Variants in SORCS2 observed in about 807,000 individuals in gnomAD.
SORCS2 encodes the protein sortilin related VPS10 domain containing receptor 2.
SORCS2 carries 100 observed loss-of-function variants against 141.6 expected under a neutral mutation model. The ratio of observed to expected loss-of-function variants is 0.71; its 90% CI spans 0.60 to 0.83. The LOEUF is 0.83. Among genes scored for constraint, SORCS2 ranks in the 40% least tolerant of loss-of-function variants. SORCS2 has a pLI of 0.00. For synonymous variants in SORCS2, 789 were observed against 676.9 expected, an observed-to-expected ratio of 1.17 and a Z score of -2.57; for missense variants, 1,646 against 1,560.2, an observed-to-expected ratio of 1.05 and a Z score of -0.93.
At position 7,329,532 on chromosome 4, in the gene SORCS2, T is replaced by G. The variant is rs1366624779; in HGVS notation, c.481-66756T>G. Among the ~76,000 whole-genome samples the G allele has an allele frequency of 2.6e-5, 4 of 152,190 alleles. No individual in the cohort carries two copies. The East Asian group carries it at 5.8e-4, about 22-fold the overall frequency. Reference sequence around the variant, plus strand: ...CACAGCAGCTGCAGGTAGCTCAGTCTGGGGGAGAGGCCTCTTCATGGCAGG... The same window carrying G: ...CACAGCAGCTGCAGGTAGCTCAGTCGGGGGGAGAGGCCTCTTCATGGCAGG... On this transcript the variant is annotated intron_variant, in intron 1 of 26. Transcript: ENST00000507866.
intron 3 of SORCS2, among the ~76,000 whole-genome samples, chr4:7,549,539 C>G: frequency 6.6e-6 from 1 of 152,160 alleles, no homozygotes; most frequent in East Asian, 1.9e-4. Context: ...GCCTCCTTCC[C>G]CTTAACCTGC....
rs768503846 is a variant in SORCS2, at chr4:7,733,313, T to G, written c.3109-9T>G. Reference sequence around the variant, plus strand: ...GAGGCCTCACTCACTGTCCCCTCTGTGCTTGCAGAGGCTCGCCGCCATCCA... The same window carrying G: ...GAGGCCTCACTCACTGTCCCCTCTGGGCTTGCAGAGGCTCGCCGCCATCCA... On this transcript the variant is annotated splice_polypyrimidine_tract_variant and intron_variant, in intron 23 of 26. Coordinates refer to ENST00000507866, the MANE Select transcript of SORCS2 (RefSeq NM_020777.3). 1 of 1,550,620 alleles carries G rather than the reference T, an allele frequency of 6.4e-7. No homozygotes were observed.
Position 7,741,452 on chromosome 4 carries a change from G to C in SORCS2, c.*1188G>C. ...TAAGTCTATAGGAATATAGGGGGGT[G>C]GGGGGGTCACCTTTTGCCTTGAAAT... On this transcript the variant is annotated 3_prime_UTR_variant, in exon 27 of 27. Transcript: ENST00000507866. 2 of 114,412 alleles carry C rather than the reference G, an allele frequency of 1.7e-5. 1 individual carries two copies. The highest frequency in any genetic ancestry group is 3.1e-4 in the East Asian group (2 of 6,374). The allele number at this position is 114,412 out of a possible 1,614,324, so 7.1% of individuals were successfully genotyped here. A position where few individuals can be genotyped will look rare whatever the true frequency, so the allele number is the denominator to read the frequency against.
intron 3 of SORCS2, 48 bp from the exon 4 acceptor site, chr4:7,638,280 G>C: frequency 6.7e-7 from 1 of 1,489,110 alleles, no homozygotes; most frequent in Non-Finnish European, 8.9e-7. Flanking sequence ...CTGGTGTCGG[G>C]GGAGAGGGGC....
intron 2 of SORCS2, among the ~76,000 whole-genome samples, chr4:7,483,908 G>C (rs1430982145): frequency 6.6e-6 from 1 of 152,080 alleles, no homozygotes. Flanking sequence ...AGAACTTAAA[G>C]TGAAAAAACA....
At chr4:7,394,410 G>C (rs1001656269) in intron 1 of SORCS2, among the ~76,000 whole-genome samples, 3 of 150,840 alleles carry the variant, frequency 2.0e-5, no homozygotes, top group Non-Finnish European at 4.4e-5. Flanking sequence ...GGGTTGGAGG[G>C]GGGGTGTATG....
At chr4:7,477,933 T>G (rs578212894) in intron 2 of SORCS2, among the ~76,000 whole-genome samples, 2 of 152,292 alleles carry the variant, frequency 1.3e-5, no homozygotes, top group African/African-American at 4.8e-5. Context: ...AAAGTCATCG[T>G]GTTGGCTATC....
rs145124828 is a variant in SORCS2, at chr4:7,404,575, A to C, written c.548+8220A>C. On this transcript the variant is annotated intron_variant, in intron 2 of 26. Coordinates refer to ENST00000507866, the MANE Select transcript of SORCS2 (RefSeq NM_020777.3). ...GGTGTAAGATGATATCTTATTGTGG[A>C]TCTAATTTGCATTTCTCTGATGATT... 4.4e-3 allele frequency among the ~76,000 whole-genome samples: 668 copies of C among 151,970 alleles called. 3 individuals are homozygous for C. The highest frequency in any genetic ancestry group is 6.1e-3 in the Non-Finnish European group (414 of 67,916).
chr4:7,582,575 A>T (rs2108760981), intron 3 of SORCS2, among the ~76,000 whole-genome samples: 1 of 152,308 alleles, frequency 6.6e-6, no homozygotes, highest in Non-Finnish European at 1.5e-5. Context: ...GGGGTTTCAT[A>T]TGTAGCAGAG....
chr4:7,314,934 C>T (rs915902548), intron 1 of SORCS2, among the ~76,000 whole-genome samples: 5 of 151,400 alleles, frequency 3.3e-5, no homozygotes, highest in African/African-American at 9.7e-5. Context: ...AGGGTTCAAG[C>T]GATTCTCCTG....
intron 3 of SORCS2, among the ~76,000 whole-genome samples, chr4:7,576,352 T>C (rs1028942006): frequency 2.0e-5 from 3 of 152,226 alleles, no homozygotes; most frequent in African/African-American, 7.2e-5. Flanking sequence ...CAATCACTTT[T>C]AGAAGACCAT....
chr4:7,720,643 C>T (rs1726524068), intron 18 of SORCS2, among the ~76,000 whole-genome samples: 1 of 152,136 alleles, frequency 6.6e-6, no homozygotes, highest in African/African-American at 2.4e-5. Context: ...AGGAAGAACA[C>T]TCAACAGCAA....
At chr4:7,424,022 C>T (rs943529689) in intron 2 of SORCS2, among the ~76,000 whole-genome samples, 6 of 152,138 alleles carry the variant, frequency 3.9e-5, no homozygotes, top group Non-Finnish European at 7.4e-5. Flanking sequence ...TCCTGGCATC[C>T]GTGGGTCTGT....
chr4:7,680,647 C>T (rs940581434), intron 9 of SORCS2, among the ~76,000 whole-genome samples: 3 of 152,264 alleles, frequency 2.0e-5, no homozygotes, highest in Non-Finnish European at 4.4e-5. Flanking sequence ...GCTGAATGCT[C>T]TGTGCATGGA....
intron 1 of SORCS2, among the ~76,000 whole-genome samples, chr4:7,212,413 A>G (rs999896117): frequency 6.6e-6 from 1 of 152,236 alleles, no homozygotes; most frequent in Non-Finnish European, 1.5e-5. Context: ...CCCCACTCCA[A>G]CTAGCTGAAG....
At chr4:7,541,547 T>C (rs770934933) in intron 3 of SORCS2, among the ~76,000 whole-genome samples, 94 of 152,322 alleles carry the variant, frequency 6.2e-4, no homozygotes, top group Middle Eastern at 3.4e-3. Context: ...GGCTTGCTTA[T>C]GGGCAGTGGC....
intron 1 of SORCS2, among the ~76,000 whole-genome samples, chr4:7,261,214 G>T (rs896070822): frequency 6.6e-6 from 1 of 152,166 alleles, no homozygotes; most frequent in African/African-American, 2.4e-5. Context: ...TTACATTTTG[G>T]CAGGCAGGCG....
intron 1 of SORCS2, among the ~76,000 whole-genome samples, chr4:7,367,171 G>C (rs1033204872): frequency 3.3e-5 from 5 of 152,228 alleles, no homozygotes; most frequent in African/African-American, 1.2e-4. Context: ...TATAGGGTCT[G>C]TGGCAAGGGA....
chr4:7,678,359 G>A (rs947657660), intron 9 of SORCS2, among the ~76,000 whole-genome samples: 3 of 151,486 alleles, frequency 2.0e-5, no homozygotes, highest in Non-Finnish European at 2.9e-5. Context: ...CCAGCTGGGT[G>A]CCCTCCCAAG....
Sources: gnomAD v4.1 joint callset for allele counts (sites outside exome capture counted in the v4.1 genomes callset) on GRCh38, gnomAD v4.1.1 for gene constraint, MANE v1.5 for transcripts, NCBI Gene and HGNC (gene_info 2026-07-23, HGNC 2026-07-21) for gene names.